The following AGAP3 variants were observed in gnomAD, a reference collection of about 807,000 sequenced individuals.
AGAP3 encodes ArfGAP with GTPase domain, ankyrin repeat and PH domain 3.
In AGAP3, 24 loss-of-function variants were observed where a neutral mutation model predicts 96.9. The observed-to-expected ratio is 0.25, with a 90% CI of 0.18 to 0.35. The LOEUF is 0.35. Ranked by LOEUF, AGAP3 falls within the 10% of genes least tolerant of loss-of-function variation. AGAP3 has a pLI of 1.00. For synonymous variants in AGAP3, 563 were observed against 536.1 expected, an observed-to-expected ratio of 1.05 and a Z score of -0.69; for missense variants, 876 against 1,254.2, an observed-to-expected ratio of 0.70 and a Z score of 4.55.
chr7:151,115,116 G>T, intron 1 of AGAP3: 1 of 1,035,036 alleles, frequency 9.7e-7, no homozygotes, highest in Non-Finnish European at 1.2e-6. Context: ...CCGCACCCGC[G>T]GGGAGCCGAC....
At position 151,141,618 on chromosome 7, in the gene AGAP3, C is replaced by T. The variant is rs1030936277; in HGVS notation, c.1805-280C>T. On this transcript the variant is annotated intron_variant, in intron 13 of 17. Coordinates refer to ENST00000397238, the MANE Select transcript of AGAP3 (RefSeq NM_031946.7). This position sits in a 1 kb window ranked among gnomAD's most constrained non-coding sequence, Gnocchi z 4.2. The stretch of plus-strand genomic sequence containing the variant: ...CCCTCTCTGGTTTCACACCCATTCC[C>T]GGCAGTGCCAGGGGTGCCAAGATCT... 17 of 458,972 alleles carry T rather than the reference C, an allele frequency of 3.7e-5. No homozygotes were observed. The highest frequency in any genetic ancestry group is 1.2e-4 in the South Asian group (5 of 42,432). 28.4% of individuals were successfully genotyped at this position (458,972 alleles called of 1,614,324 possible).
intron 5 of AGAP3, 119 bp downstream of exon 5, chr7:151,117,896 A>T: frequency 7.3e-7 from 1 of 1,365,770 alleles, no homozygotes; most frequent in South Asian, 1.5e-5. Flanking sequence ...CCCAGTGCTG[A>T]CTGGGACCCT....
Position 151,143,244 on chromosome 7 carries a change from C to T in AGAP3, c.2274-97C>T. On this transcript the variant is annotated intron_variant, in intron 16 of 17. Transcript: ENST00000397238. This position sits in a 1 kb window ranked among gnomAD's most constrained non-coding sequence, Gnocchi z 5.9. ...TTCTCTCACTGTTTCTTCCTTGTTC[C>T]CCCGGGTGCTCGCTTCCTTTCCTGC... The T allele has an allele frequency of 1.4e-6, 2 of 1,430,054 alleles. No individual in the cohort carries two copies. The highest frequency in any genetic ancestry group is 1.9e-6 in the Non-Finnish European group (2 of 1,058,344). 88.6% of individuals were successfully genotyped at this position (1,430,054 alleles called of 1,614,324 possible). A position where few individuals can be genotyped will look rare whatever the true frequency, so the allele number is the denominator to read the frequency against.
chr7:151,117,562 C>T (rs1468263192), intron 4 of AGAP3, 74 bp from the exon 5 acceptor site: 3 of 1,611,798 alleles, frequency 1.9e-6, no homozygotes, highest in Non-Finnish European at 2.5e-6. Context: ...GAAGGGTCTA[C>T]TTGAGTTCAC....
intron 9 of AGAP3, among the ~76,000 whole-genome samples, chr7:151,124,330 G>T (rs1800067593): frequency 6.6e-6 from 1 of 152,208 alleles, no homozygotes; most frequent in African/African-American, 2.4e-5. Flanking sequence ...AAAGAAAAAA[G>T]TAGACTACCT....
intron 1 of AGAP3, among the ~76,000 whole-genome samples, chr7:151,111,107 C>A (rs985015868): frequency 2.0e-5 from 3 of 152,280 alleles, no homozygotes; most frequent in Non-Finnish European, 4.4e-5. Context: ...TCCTGGGGGG[C>A]GAAGGGGTCT....
Position 151,095,719 on chromosome 7 carries a change from AAAAAAAAAG to A in AGAP3, c.331+8649_331+8657del, listed in dbSNP as rs1251120292. 5.3e-3 allele frequency among the ~76,000 whole-genome samples: 808 copies of A among 151,178 alleles called. 8 individuals carry two copies. The highest frequency in any genetic ancestry group is 0.019 in the African/African-American group (779 of 40,970). On this transcript the variant is annotated intron_variant, in intron 1 of 17. Coordinates refer to ENST00000397238, the MANE Select transcript of AGAP3 (RefSeq NM_031946.7). ...AGTTGTACAAAAAAAAAAAAAAAAA[AAAAAAAAAG>A]ATACCAGAAAGGCAAGCCCCAGAGC...
chr7:151,115,560 C>G, intron 1 of AGAP3: 1 of 1,127,078 alleles, frequency 8.9e-7, no homozygotes, highest in Non-Finnish European at 1.1e-6. Context: ...GAGCCGCTTC[C>G]GCCGGAGGGA....
In AGAP3 at chr7:151,143,606, G is replaced by A. The variant is rs749527038; in HGVS notation, c.2529+10G>A. The stretch of plus-strand genomic sequence containing the variant: ...GCAGCTGCTCATCTGGGTGAGTCAC[G>A]TGCCTCTAGCCTGCCCTGACCTCGC... On this transcript the variant is annotated intron_variant, in intron 17 of 17. Transcript: ENST00000397238. This position sits in a 1 kb window ranked among gnomAD's most constrained non-coding sequence, Gnocchi z 5.9. The A allele has an allele frequency of 2.5e-5, 40 of 1,597,988 alleles. No homozygotes were observed. In the African/African-American group the frequency reaches 3.7e-4, roughly 15 times the overall value.
chr7:151,101,123 AG>A (rs1362906084), intron 1 of AGAP3, among the ~76,000 whole-genome samples: 3 of 152,218 alleles, frequency 2.0e-5, no homozygotes, highest in Non-Finnish European at 4.4e-5. Flanking sequence ...CCTGAGCCCA[AG>A]TGGAACTGCC....
chr7:151,089,429 T>G (rs942136439), intron 1 of AGAP3, among the ~76,000 whole-genome samples: 1 of 151,952 alleles, frequency 6.6e-6, no homozygotes, highest in African/African-American at 2.4e-5. Flanking sequence ...CCGGGTCCTG[T>G]GTTTCCTGGG....
chr7:151,087,939 C>T (rs1471115617), intron 1 of AGAP3, among the ~76,000 whole-genome samples: 1 of 152,284 alleles, frequency 6.6e-6, no homozygotes, highest in Non-Finnish European at 1.5e-5. Flanking sequence ...GCATGGTGAC[C>T]TTCGAGCGGG....
chr7:151,103,736 G>T (rs10244332), intron 1 of AGAP3, among the ~76,000 whole-genome samples: 117,303 of 152,124 alleles, frequency 0.77, 45,286 homozygotes, highest in East Asian at 0.98. Context: ...TGCCTGAAAG[G>T]TCTTACAGAG....
chr7:151,128,731 G>A (rs751217312), intron 10 of AGAP3, 47 bp downstream of exon 10: 17 of 1,509,378 alleles, frequency 1.1e-5, no homozygotes, highest in Non-Finnish European at 1.4e-5. Flanking sequence ...GGGAGGGGGT[G>A]GAGGGAGGAT....
intron 1 of AGAP3, chr7:151,112,193 C>G (rs4725392): frequency 6.6e-6 from 1 of 151,890 alleles, no homozygotes; most frequent in Non-Finnish European, 1.5e-5. Context: ...CTAGTTTCTC[C>G]GGGTCAGGAA....
rs148658610 is a variant in AGAP3, at chr7:151,101,949, TG to T, written c.332-14839del. On this transcript the variant is annotated intron_variant, in intron 1 of 17. Coordinates refer to ENST00000397238, the MANE Select transcript of AGAP3 (RefSeq NM_031946.7). ...GGCTGGCAGAGGTGAGTTCTGAACCTGGGGGCAGTGGTGCCATGAGCCCTTC... is the reference window on the plus strand; with the variant it reads ...GGCTGGCAGAGGTGAGTTCTGAACCTGGGGCAGTGGTGCCATGAGCCCTTC... Among the ~76,000 whole-genome samples the T allele has an allele frequency of 1.3e-4, 20 of 152,218 alleles. No individual in the cohort carries two copies. The East Asian group carries it at 3.9e-3, about 29-fold the overall frequency.
intron 1 of AGAP3, among the ~76,000 whole-genome samples, chr7:151,105,607 GA>G (rs939076539): frequency 1.3e-5 from 2 of 149,086 alleles, no homozygotes; most frequent in Admixed American, 1.3e-4. Context: ...AAAAAAAAAA[GA>G]AAAAAAATTA....
In AGAP3 at chr7:151,116,263, AC is replaced by A. The variant is rs1376562426; in HGVS notation, c.332-528del. On this transcript the variant is annotated intron_variant, in intron 1 of 17. Transcript: ENST00000397238. ...GGGTGGGGTAGATGGCTCCCTATCC[AC>A]CTGCCCCTGGCAGAACAGGGCCAGG... is the stretch of plus-strand genomic sequence containing the variant. The A allele has an allele frequency of 3.9e-5, 6 of 153,722 alleles. No individual in the cohort carries two copies. The Admixed American group carries it at 3.9e-4, about 10-fold the overall frequency. The allele number at this position is 153,722 out of a possible 1,614,324, so 9.5% of individuals were successfully genotyped here.
At position 151,117,441 on chromosome 7, in the gene AGAP3, C is replaced by T. The variant is rs988748491; in HGVS notation, c.549C>T (p.Gly183=). 6.2e-7 allele frequency: 1 copy of T among 1,614,164 alleles called. No homozygotes were observed. Among genetic ancestry groups the T allele is most frequent in the Admixed American group, 1.7e-5 (1 of 60,032 alleles). Residue 183 remains glycine, a synonymous_variant, in exon 4 of 18, where the codon GGC becomes GGT. Transcript: ENST00000397238. ...SYLLLIRDEG[G]PPELQFAAWV... is the part of the protein sequence containing the mutation. ...TGCTGCTGATCCGAGATGAAGGAGG[C>T]CCCCCTGAGCTCCAGGTGATGCTCC...
Sources: gnomAD v4.1 joint callset for allele counts (sites outside exome capture counted in the v4.1 genomes callset) on GRCh38, gnomAD v4.1.1 for gene constraint, Gnocchi (gnomAD v3.1) non-coding constraint, MANE v1.5 for transcripts, NCBI Gene and HGNC (gene_info 2026-07-23, HGNC 2026-07-21) for gene names.